The following SGCZ variants were observed in gnomAD, a reference collection of about 807,000 sequenced individuals.
The protein encoded by SGCZ is zeta-sarcoglycan.
In SGCZ, 40 loss-of-function variants were observed where a neutral mutation model predicts 41.3. That is an observed-to-expected ratio of 0.97 (90% CI 0.75 to 1.26). The LOEUF (loss-of-function observed/expected upper bound fraction) is 1.26, where lower values mean the gene tolerates loss of function less well. SGCZ is among the 50% of genes most tolerant of loss of function. The probability of loss-of-function intolerance (pLI) is 0.00; values close to 1 mark genes in which losing one functional copy is unlikely to be tolerated. For missense variants in SGCZ, 552 were observed against 369.8 expected (o/e 1.49, Z -4.04); for synonymous variants, 206 against 137.5 (o/e 1.50, Z -3.49).
At chr8:14,400,537 T>C (rs1435531685) in intron 2 of SGCZ, among the ~76,000 whole-genome samples, 3 of 152,194 alleles carry the variant, frequency 2.0e-5, no homozygotes, top group East Asian at 1.9e-4. Context: ...CTGGGCATTC[T>C]ATTCCAAGCA....
chr8:14,869,414 A>T (rs1350983678), intron 1 of SGCZ, among the ~76,000 whole-genome samples: 1 of 152,180 alleles, frequency 6.6e-6, no homozygotes, highest in Non-Finnish European at 1.5e-5. Flanking sequence ...ACTCACAATA[A>T]ACTAGGCATT....
chr8:15,149,289 G>C (rs1442075088), intron 1 of SGCZ, among the ~76,000 whole-genome samples: 10 of 152,118 alleles, frequency 6.6e-5, no homozygotes, highest in Non-Finnish European at 1.5e-4. Context: ...CAAGTAACTG[G>C]TCACCAATTT....
chr8:15,162,313 T>C (rs1401067444), intron 1 of SGCZ, among the ~76,000 whole-genome samples: 1 of 152,072 alleles, frequency 6.6e-6, no homozygotes, highest in African/African-American at 2.4e-5. Flanking sequence ...CGGCCAAAAG[T>C]TCTGTGGCCA....
chr8:14,409,920 A>G (rs1799314113), intron 2 of SGCZ, among the ~76,000 whole-genome samples: 1 of 152,120 alleles, frequency 6.6e-6, no homozygotes, highest in Non-Finnish European at 1.5e-5. Context: ...AATGTCTTTG[A>G]AAATTAGCTT....
chr8:14,375,107 TAGATAGAC>T (rs1306285775), intron 2 of SGCZ, among the ~76,000 whole-genome samples: 5 of 145,858 alleles, frequency 3.4e-5, no homozygotes, highest in African/African-American at 7.6e-5. Flanking sequence ...ATCAGATAGA[TAGATAGAC>T]AGACAGACAG....
At chr8:14,919,962 A>G (rs1028120637) in intron 1 of SGCZ, among the ~76,000 whole-genome samples, 16 of 152,088 alleles carry the variant, frequency 1.1e-4, no homozygotes, top group African/African-American at 3.6e-4. Context: ...ATTAGCAATA[A>G]TTACTGCGAT....
chr8:14,685,106 A>G (rs911637761), intron 1 of SGCZ, among the ~76,000 whole-genome samples: 5 of 150,922 alleles, frequency 3.3e-5, no homozygotes, highest in South Asian at 2.1e-4. Context: ...ATTTAAACAC[A>G]TTAATTAAAA....
intron 1 of SGCZ, among the ~76,000 whole-genome samples, chr8:14,878,388 A>G (rs1480550532): frequency 1.3e-5 from 2 of 151,974 alleles, no homozygotes; most frequent in East Asian, 1.9e-4. Flanking sequence ...AACTGTGAGA[A>G]AAAAAAAGAT....
At chr8:14,092,653 A>C (rs1178689881) in intron 7 of SGCZ, among the ~76,000 whole-genome samples, 1 of 151,906 alleles carries the variant, frequency 6.6e-6, no homozygotes, top group South Asian at 2.1e-4. Context: ...ATGGTTTTAT[A>C]AGGGGGAAAC....
At chr8:14,312,248 A>C (rs1801570855) in intron 3 of SGCZ, among the ~76,000 whole-genome samples, 1 of 152,182 alleles carries the variant, frequency 6.6e-6, no homozygotes. Context: ...TCAAATTCAA[A>C]AAAGATTGAA....
chr8:14,491,245 A>G (rs1801833058), intron 2 of SGCZ, among the ~76,000 whole-genome samples: 1 of 152,126 alleles, frequency 6.6e-6, no homozygotes, highest in Admixed American at 6.5e-5. Flanking sequence ...ACAGACACAT[A>G]CCACAATGTA....
intron 2 of SGCZ, among the ~76,000 whole-genome samples, chr8:14,373,279 T>C (rs1215800614): frequency 6.6e-6 from 1 of 152,198 alleles, no homozygotes; most frequent in Non-Finnish European, 1.5e-5. Flanking sequence ...TACTGGAACA[T>C]CGATGCATAA....
chr8:14,090,701 C>G lies in SGCZ; in HGVS notation c.745-64G>C, dbSNP rs1243041299. ...AAATGTAGCATCGAGTAATCTACAT[C>G]CCTCCTCAACATGGTCTAATAAGGA... On this transcript the variant is annotated intron_variant, in intron 7 of 7. Coordinates refer to ENST00000382080, the MANE Select transcript of SGCZ (RefSeq NM_139167.4). The G allele has an allele frequency of 3.6e-6, 5 of 1,370,080 alleles. No individual in the cohort carries two copies. In the Admixed American group the frequency reaches 1.0e-4, roughly 28 times the overall value. The allele number at this position is 1,370,080 out of a possible 1,614,324, so 84.9% of individuals were successfully genotyped here. A position where few individuals can be genotyped will look rare whatever the true frequency, so the allele number is the denominator to read the frequency against.
At chr8:14,839,076 G>C (rs1223135122) in intron 1 of SGCZ, among the ~76,000 whole-genome samples, 1 of 152,154 alleles carries the variant, frequency 6.6e-6, no homozygotes, top group Non-Finnish European at 1.5e-5. Context: ...AGACTTTCAG[G>C]TGGTTGGGAG....
At chr8:15,208,922 G>T (rs1801156515) in intron 1 of SGCZ, among the ~76,000 whole-genome samples, 2 of 151,446 alleles carry the variant, frequency 1.3e-5, no homozygotes, top group South Asian at 4.2e-4. Flanking sequence ...GAGAGAGAGA[G>T]AATTGTTCCT....
intron 1 of SGCZ, among the ~76,000 whole-genome samples, chr8:15,100,723 C>T (rs1368915682): frequency 6.6e-6 from 1 of 152,222 alleles, no homozygotes; most frequent in East Asian, 1.9e-4. Context: ...TGGCTCACTA[C>T]TATAATCCTG....
intron 1 of SGCZ, among the ~76,000 whole-genome samples, chr8:14,989,004 G>A (rs953579512): frequency 6.6e-6 from 1 of 152,082 alleles, no homozygotes; most frequent in African/African-American, 2.4e-5. Context: ...TCTTAAAAAT[G>A]AAAAGCTATT....
intron 2 of SGCZ, among the ~76,000 whole-genome samples, chr8:14,432,456 T>C (rs541009698): frequency 1.4e-4 from 21 of 152,288 alleles, no homozygotes; most frequent in African/African-American, 4.8e-4. Flanking sequence ...TATGCTCTCA[T>C]TCATAAATGG....
chr8:14,444,235 AT>A (rs1164917901), intron 2 of SGCZ, among the ~76,000 whole-genome samples: 1 of 152,152 alleles, frequency 6.6e-6, no homozygotes, highest in African/African-American at 2.4e-5. Context: ...TAGTTCAACC[AT>A]TGTGGAAGTC....
Sources: gnomAD v4.1 joint callset for allele counts (sites outside exome capture counted in the v4.1 genomes callset) on GRCh38, gnomAD v4.1.1 for gene constraint, MANE v1.5 for transcripts, NCBI Gene and HGNC (gene_info 2026-07-23, HGNC 2026-07-21) for gene names.